Variants in PRELID3A observed in about 807,000 individuals in gnomAD.
The protein encoded by PRELID3A is PRELI domain containing protein 3A.
A neutral mutation model predicts 23.0 loss-of-function variants in PRELID3A; 27 were observed. That is an observed-to-expected ratio of 1.17 (90% CI 0.87 to 1.62). PRELID3A has a LOEUF of 1.62. Ranked by LOEUF, PRELID3A falls within the 40% of genes most tolerant of loss-of-function variation. The probability of loss-of-function intolerance (pLI) is 0.00; values close to 1 mark genes in which losing one functional copy is unlikely to be tolerated. For missense variants in PRELID3A, 231 were observed against 231.4 expected (o/e 1.00, Z 0.01); for synonymous variants, 87 against 86.4 (o/e 1.01, Z -0.04).
intron 1 of PRELID3A, among the ~76,000 whole-genome samples, chr18:12,419,696 T>C (rs1254007809): frequency 1.3e-5 from 2 of 151,654 alleles, no homozygotes; most frequent in African/African-American, 4.8e-5. Context: ...TCTCAGCACT[T>C]TGGGAGGCCG....
At chr18:12,422,632 T>C (rs2030223591) in intron 3 of PRELID3A, among the ~76,000 whole-genome samples, 1 of 152,122 alleles carries the variant, frequency 6.6e-6, no homozygotes, top group Admixed American at 6.6e-5. Flanking sequence ...ACTGGGATTA[T>C]GGGTGTGAGC....
intron 1 of PRELID3A, among the ~76,000 whole-genome samples, chr18:12,409,173 T>TTG (rs1555675957): frequency 1.4e-5 from 2 of 139,868 alleles, no homozygotes; most frequent in African/African-American, 5.4e-5. Flanking sequence ...TTTTTTTTTT[T>TTG]TTTTTTTTTT....
At position 12,421,631 on chromosome 18, in the gene PRELID3A, T is replaced by C; in HGVS notation, c.291+2T>C. On this transcript the variant is annotated splice_donor_variant, in intron 3 of 6. Transcript: ENST00000440960. LOFTEE classifies it high-confidence loss of function. The stretch of plus-strand genomic sequence containing the variant: ...AAAATGGAACTTTGTTCTACCAATG[T>C]AAGCAATGGCCTCAGATGAGAAACG... 6.2e-7 allele frequency: 1 copy of C among 1,602,258 alleles called. No homozygotes were observed. The highest frequency in any genetic ancestry group is 8.6e-7 in the Non-Finnish European group (1 of 1,169,316).
chr18:12,410,109 G>A (rs1909860549), intron 1 of PRELID3A, among the ~76,000 whole-genome samples: 1 of 152,226 alleles, frequency 6.6e-6, no homozygotes, highest in Admixed American at 6.5e-5. Context: ...GGTGTTTTGT[G>A]TCTGTCTGCT....
At chr18:12,423,208 G>A (rs1013073963) in intron 3 of PRELID3A, among the ~76,000 whole-genome samples, 3 of 152,228 alleles carry the variant, frequency 2.0e-5, no homozygotes. Flanking sequence ...GTGTGGGAGG[G>A]AGGAGGCTGG....
Position 12,420,405 on chromosome 18 carries a change from T to C in PRELID3A, c.113T>C (p.Val38Ala). The change falls in exon 2 of 7, where the codon GTG (valine) becomes GCG (alanine). Residue 38 changes from valine (V) to alanine (A), a missense_variant. Transcript: ENST00000440960. ...PMNPSVLGVD[V>A]LQRRVDGRGR... ...AACCCGAGCGTGCTGGGCGTGGATG[T>C]GCTACAGCGCCGCGTGGACGGCCGC... The C allele has an allele frequency of 6.2e-7, 1 of 1,606,740 alleles. No individual in the cohort carries two copies. Among genetic ancestry groups the C allele is most frequent in the African/African-American group, 1.3e-5 (1 of 74,914 alleles).
chr18:12,416,803 G>A (rs1457942067), intron 1 of PRELID3A, among the ~76,000 whole-genome samples: 3 of 151,880 alleles, frequency 2.0e-5, no homozygotes, highest in South Asian at 2.1e-4. Flanking sequence ...CTGCCACCGT[G>A]CCCGGCTAAT....
intron 6 of PRELID3A, among the ~76,000 whole-genome samples, chr18:12,430,712 A>G: frequency 7.5e-6 from 1 of 133,478 alleles, no homozygotes; most frequent in Non-Finnish European, 1.6e-5. Flanking sequence ...GAATGTGTGT[A>G]TAGTGTGTGC....
intron 1 of PRELID3A, among the ~76,000 whole-genome samples, chr18:12,414,003 G>A (rs1399474001): frequency 6.6e-6 from 1 of 152,200 alleles, no homozygotes; most frequent in African/African-American, 2.4e-5. Flanking sequence ...CCCCAAGTCT[G>A]AATAAGCAAA....
chr18:12,416,687 C>T (rs1423601755), intron 1 of PRELID3A, among the ~76,000 whole-genome samples: 1 of 150,258 alleles, frequency 6.7e-6, no homozygotes, highest in African/African-American at 2.4e-5. Flanking sequence ...ACTCTGTTGC[C>T]CAGGGTGGAG....
Position 12,407,944 on chromosome 18 carries a change from G to A in PRELID3A, c.-32G>A, listed in dbSNP as rs976537539. 5 of 1,291,934 alleles carry A rather than the reference G, an allele frequency of 3.9e-6. No homozygotes were observed. In the South Asian group the frequency reaches 1.0e-4, roughly 26 times the overall value. 80.0% of individuals were successfully genotyped at this position (1,291,934 alleles called of 1,614,324 possible). A position where few individuals can be genotyped will look rare whatever the true frequency, so the allele number is the denominator to read the frequency against. Reference sequence around the variant, plus strand: ...CGCGCGGCCCGAAGCACCCGGCCCGGATCGCAGAGCCCGCGCCCTGCGCCG... The same window carrying A: ...CGCGCGGCCCGAAGCACCCGGCCCGAATCGCAGAGCCCGCGCCCTGCGCCG... On this transcript the variant is annotated 5_prime_UTR_variant, in exon 1 of 7. Transcript: ENST00000440960.
At chr18:12,408,695 T>A (rs1909808431) in intron 1 of PRELID3A, among the ~76,000 whole-genome samples, 1 of 152,036 alleles carries the variant, frequency 6.6e-6, no homozygotes, top group South Asian at 2.1e-4. Context: ...AAGTGGGTGC[T>A]TAAGAATGTG....
At chr18:12,429,711 G>A (rs1003034832) in intron 6 of PRELID3A, among the ~76,000 whole-genome samples, 2 of 152,184 alleles carry the variant, frequency 1.3e-5, no homozygotes, top group African/African-American at 4.8e-5. Flanking sequence ...AGCCACCCTC[G>A]GGCTGGGTTG....
intron 1 of PRELID3A, among the ~76,000 whole-genome samples, chr18:12,408,302 A>G (rs1471776609): frequency 7.9e-5 from 12 of 151,214 alleles, no homozygotes; most frequent in East Asian, 7.8e-4. Flanking sequence ...GGGCGGGGGC[A>G]GCCGGAGCGG....
intron 1 of PRELID3A, among the ~76,000 whole-genome samples, 157 bp downstream of exon 1, chr18:12,408,164 C>G (rs1184479103): frequency 2.0e-5 from 3 of 151,956 alleles, no homozygotes; most frequent in Admixed American, 2.0e-4. Flanking sequence ...TTCGGCGTCC[C>G]GGAGAGGGCA....
At position 12,429,564 on chromosome 18, in the gene PRELID3A, G is replaced by T. The variant is rs958445572; in HGVS notation, c.*33+128G>T. The T allele has an allele frequency of 2.7e-5, 16 of 584,878 alleles. No individual in the cohort carries two copies. The Admixed American group carries it at 4.8e-4, about 18-fold the overall frequency. 36.2% of individuals were successfully genotyped at this position (584,878 alleles called of 1,614,324 possible). A position where few individuals can be genotyped will look rare whatever the true frequency, so the allele number is the denominator to read the frequency against. ...TGGCTCTCCAGCCCGGAGCTCCTTA[G>T]TTTTCCACGGTGACACAGAATCACT... On this transcript the variant is annotated intron_variant, in intron 6 of 6. Transcript: ENST00000440960.
intron 1 of PRELID3A, among the ~76,000 whole-genome samples, chr18:12,419,511 C>T (rs539752221): frequency 4.6e-5 from 7 of 152,060 alleles, no homozygotes; most frequent in African/African-American, 7.2e-5. Context: ...TGCCTGTAAT[C>T]CCAGCTACTA....
At chr18:12,420,009 G>A in intron 1 of PRELID3A, 3 of 609,480 alleles carry the variant, frequency 4.9e-6, no homozygotes, top group Non-Finnish European at 7.3e-6. Context: ...GGCTGAGGCA[G>A]GATGTTCACT....
At chr18:12,420,269 A>G in intron 1 of PRELID3A, 56 bp from the exon 2 acceptor site, 14 of 1,534,022 alleles carry the variant, frequency 9.1e-6, no homozygotes, top group Non-Finnish European at 1.1e-5. Flanking sequence ...CCTCCCCTTC[A>G]CCCTTGCGGC....
Sources: allele counts gnomAD v4.1 joint callset (sites outside exome capture counted in the v4.1 genomes callset), GRCh38; gene constraint gnomAD v4.1.1; transcripts MANE v1.5; gene names NCBI Gene and HGNC (gene_info 2026-07-23, HGNC 2026-07-21).